Variants in WRN observed in about 807,000 individuals in gnomAD.
WRN encodes WRN RecQ like helicase.
A neutral mutation model predicts 180.7 loss-of-function variants in WRN; 149 were observed. The observed-to-expected ratio is 0.82, with a 90% confidence interval of 0.72 to 0.94. The LOEUF is 0.94. Among genes scored for constraint, WRN ranks in the 40% least tolerant of loss-of-function variants. WRN has a pLI of 0.00. For synonymous variants in WRN, 548 were observed against 568.9 expected (o/e 0.96, Z 0.52); for missense variants, 1,661 against 1,700.1 (o/e 0.98, Z 0.40).
intron 1 of WRN, among the ~76,000 whole-genome samples, chr8:31,055,567 G>T (rs1242974106): frequency 6.6e-6 from 1 of 151,902 alleles, no homozygotes; most frequent in Admixed American, 6.6e-5. Context: ...CTTTTTTTGA[G>T]AAGTGTCTGT....
At chr8:31,077,938 G>C (rs1024041686) in intron 8 of WRN, among the ~76,000 whole-genome samples, 3 of 152,162 alleles carry the variant, frequency 2.0e-5, no homozygotes, top group African/African-American at 7.2e-5. Context: ...ATTTTGGGGA[G>C]TTGGAAGCTC....
intron 34 of WRN, among the ~76,000 whole-genome samples, chr8:31,167,577 T>C (rs1460653976): frequency 6.6e-6 from 1 of 152,096 alleles, no homozygotes; most frequent in Non-Finnish European, 1.5e-5. Flanking sequence ...AAACAAATTG[T>C]ATTATAAATA....
At chr8:31,065,092 G>T (rs760134895) in intron 5 of WRN, 29 bp downstream of exon 5, 3 of 1,597,770 alleles carry the variant, frequency 1.9e-6, no homozygotes, top group African/African-American at 2.7e-5. Context: ...TAATTTTCAT[G>T]ATGAAGATTA....
chr8:31,042,574 T>A (rs570911605), intron 1 of WRN, among the ~76,000 whole-genome samples: 87 of 152,252 alleles, frequency 5.7e-4, no homozygotes, highest in Non-Finnish European at 9.4e-4. Context: ...CACCTTTTCA[T>A]AGTTGTCAGA....
rs772011738 is a variant in WRN, at chr8:31,090,795, AT to A, written c.1721-32del. ...ATCAAAGGTTTATTTTTATTTCTAT[AT>A]TTTTTTCATTTTATTTTTATATTTT... On this transcript the variant is annotated intron_variant, in intron 14 of 34. Coordinates refer to ENST00000298139, the MANE Select transcript of WRN (RefSeq NM_000553.6). The A allele has an allele frequency of 6.6e-5, 98 of 1,487,110 alleles. No homozygotes were observed. In the South Asian group the frequency reaches 7.6e-4, roughly 11 times the overall value. 92.1% of individuals were successfully genotyped at this position (1,487,110 alleles called of 1,614,324 possible).
chr8:31,123,323 T>C (rs11574317), intron 21 of WRN, among the ~76,000 whole-genome samples: 42,755 of 151,950 alleles, frequency 0.28, 6,261 homozygotes, highest in South Asian at 0.33. Context: ...CATAGGTATA[T>C]ACATATAGGA....
intron 31 of WRN, among the ~76,000 whole-genome samples, chr8:31,151,473 A>G (rs1803122280): frequency 6.6e-6 from 1 of 152,132 alleles, no homozygotes; most frequent in African/African-American, 2.4e-5. Context: ...TTTCTTTTTC[A>G]TACTCTTATA....
At chr8:31,130,757 T>TA (rs11574327) in intron 23 of WRN, among the ~76,000 whole-genome samples, 67,719 of 151,914 alleles carry the variant, frequency 0.45, 15,441 homozygotes, top group East Asian at 0.62. Context: ...AACAGCTACA[T>TA]AAAAACAGTT....
At position 31,061,871 on chromosome 8, in the gene WRN, G is replaced by A. The variant is rs185613497; in HGVS notation, c.210-2418G>A. Among the ~76,000 whole-genome samples, 11 of 152,248 alleles carry A rather than the reference G, an allele frequency of 7.2e-5. No homozygotes were observed. The East Asian group carries it at 2.1e-3, about 29-fold the overall frequency. ...ATGGTTGTTTGCCCAGCCCCATAGA[G>A]TTTTAGTCTATGCATGCTTGTCTTC... On this transcript the variant is annotated intron_variant, in intron 3 of 34. Transcript: ENST00000298139.
chr8:31,145,098 G>T (rs957980165), intron 28 of WRN, among the ~76,000 whole-genome samples: 1 of 152,344 alleles, frequency 6.6e-6, no homozygotes. Flanking sequence ...GCAAGTGCTG[G>T]TATAGAAGCT....
intron 1 of WRN, among the ~76,000 whole-genome samples, chr8:31,053,566 C>T (rs6991755): frequency 0.075 from 11,425 of 152,088 alleles, 497 homozygotes; most frequent in African/African-American, 0.12. Flanking sequence ...TCCATGTGAG[C>T]GATTCTTACT....
chr8:31,050,125 C>G (rs917882961), intron 1 of WRN, among the ~76,000 whole-genome samples: 4 of 152,086 alleles, frequency 2.6e-5, no homozygotes, highest in African/African-American at 9.7e-5. Flanking sequence ...AGAACGAACA[C>G]ATGTCATATG....
intron 32 of WRN, among the ~76,000 whole-genome samples, chr8:31,157,082 G>A (rs1044975977): frequency 1.3e-5 from 2 of 152,122 alleles, no homozygotes; most frequent in Non-Finnish European, 2.9e-5. Context: ...TGCCACTAAC[G>A]GCTTTCTAAA....
At chr8:31,140,135 C>T (rs1299287164) in intron 24 of WRN, among the ~76,000 whole-genome samples, 1 of 150,000 alleles carries the variant, frequency 6.7e-6, no homozygotes, top group Non-Finnish European at 1.5e-5. Context: ...CCTGCCTCAG[C>T]TCCTGCTTCA....
chr8:31,082,243 C>T (rs1474249087), intron 9 of WRN, among the ~76,000 whole-genome samples: 2 of 152,048 alleles, frequency 1.3e-5, no homozygotes, highest in East Asian at 3.9e-4. Flanking sequence ...TGCCTATATT[C>T]TCTGAAATTT....
intron 33 of WRN, among the ~76,000 whole-genome samples, chr8:31,158,449 T>A (rs1289746358): frequency 6.6e-6 from 1 of 152,136 alleles, no homozygotes; most frequent in Non-Finnish European, 1.5e-5. Context: ...TTAGAGGATT[T>A]TCTCTCCTAG....
chr8:31,146,873 T>C (rs1208207052), intron 28 of WRN, among the ~76,000 whole-genome samples, 180 bp from the exon 29 acceptor site: 2 of 152,194 alleles, frequency 1.3e-5, no homozygotes, highest in East Asian at 3.8e-4. Flanking sequence ...ATGAATGTAT[T>C]TGATCCAAAA....
chr8:31,163,639 AGT>A (rs758001265), intron 33 of WRN, among the ~76,000 whole-genome samples: 8 of 152,022 alleles, frequency 5.3e-5, no homozygotes, highest in Non-Finnish European at 1.0e-4. Flanking sequence ...TTATTTATTG[AGT>A]GTCTTTAAAT....
chr8:31,147,652 G>A lies in WRN; in HGVS notation c.3572+176G>A, dbSNP rs1474441219. Among the ~76,000 whole-genome samples the A allele has an allele frequency of 2.6e-5, 4 of 152,100 alleles. No individual in the cohort carries two copies. The South Asian group carries it at 8.3e-4, about 32-fold the overall frequency. The stretch of plus-strand genomic sequence containing the variant: ...AAGCTTTAGTACCGTGTTTCTGTAT[G>A]AATAAAAACCAGTTACGTTTTCAGC... On this transcript the variant is annotated intron_variant, in intron 30 of 34. Coordinates refer to ENST00000298139, the MANE Select transcript of WRN (RefSeq NM_000553.6).
Sources: gnomAD v4.1 joint callset for allele counts (sites outside exome capture counted in the v4.1 genomes callset) on GRCh38, gnomAD v4.1.1 for gene constraint, MANE v1.5 for transcripts, NCBI Gene and HGNC (gene_info 2026-07-23, HGNC 2026-07-21) for gene names.